The following SBSPON variants were observed in gnomAD, a reference collection of about 807,000 sequenced individuals.
SBSPON encodes the protein somatomedin B and thrombospondin type 1 domain containing.
SBSPON carries 30 observed loss-of-function variants against 35.8 expected under a neutral mutation model. The observed-to-expected ratio is 0.84, with a 90% CI of 0.63 to 1.14. The LOEUF (loss-of-function observed/expected upper bound fraction) is 1.14. Among genes scored for constraint, SBSPON ranks in the 50% most tolerant of loss-of-function variants. SBSPON has a pLI of 0.00. For missense variants in SBSPON, 364 were observed against 357.7 expected (o/e 1.02, Z -0.14); for synonymous variants, 136 against 135.9 (o/e 1.00, Z 0.00).
intron 2 of SBSPON, among the ~76,000 whole-genome samples, chr8:73,080,240 C>T (rs966514377): frequency 3.3e-5 from 5 of 152,098 alleles, no homozygotes; most frequent in East Asian, 1.9e-4. Flanking sequence ...AAAGGCCGGG[C>T]GCAGTGGCTC....
chr8:73,088,745 G>A (rs1022282430), intron 1 of SBSPON, among the ~76,000 whole-genome samples: 1 of 152,154 alleles, frequency 6.6e-6, no homozygotes, highest in African/African-American at 2.4e-5. Flanking sequence ...TGAGTATAGA[G>A]TAACTGGGGG....
In SBSPON at chr8:73,093,083, G is replaced by A. The variant is rs985105588; in HGVS notation, c.-16C>T. ...GGGTCCTCATGGCCAGGGCTCCGGCGGCGCCTGCGACGCGACAGACCCCCG... is the reference window on the plus strand; with the variant it reads ...GGGTCCTCATGGCCAGGGCTCCGGCAGCGCCTGCGACGCGACAGACCCCCG... On this transcript the variant is annotated 5_prime_UTR_variant, in exon 1 of 5. Coordinates refer to ENST00000297354, the MANE Select transcript of SBSPON (RefSeq NM_153225.4). 24 of 1,307,430 alleles carry A rather than the reference G, an allele frequency of 1.8e-5. No homozygotes were observed. Among genetic ancestry groups the A allele is most frequent in the South Asian group, 4.6e-5 (2 of 43,260 alleles). The allele number at this position is 1,307,430 out of a possible 1,614,324, so 81.0% of individuals were successfully genotyped here. A position where few individuals can be genotyped will look rare whatever the true frequency, so the allele number is the denominator to read the frequency against.
At chr8:73,088,969 G>C (rs915788009) in intron 1 of SBSPON, among the ~76,000 whole-genome samples, 1 of 152,176 alleles carries the variant, frequency 6.6e-6, no homozygotes, top group Non-Finnish European at 1.5e-5. Flanking sequence ...AAATGCTTGA[G>C]GCAGTTGAGT....
chr8:73,068,472 C>T (rs1657212874), intron 4 of SBSPON, among the ~76,000 whole-genome samples: 2 of 152,176 alleles, frequency 1.3e-5, no homozygotes, highest in South Asian at 2.1e-4. Flanking sequence ...ATACTGAAAA[C>T]CATAATCTAT....
intron 1 of SBSPON, among the ~76,000 whole-genome samples, chr8:73,086,559 C>T (rs1371635094): frequency 6.6e-6 from 1 of 152,174 alleles, no homozygotes; most frequent in African/African-American, 2.4e-5. Context: ...CCCCAAGTGC[C>T]TATTACTCCC....
chr8:73,082,182 G>T (rs1027055935), intron 1 of SBSPON, among the ~76,000 whole-genome samples: 3 of 152,146 alleles, frequency 2.0e-5, no homozygotes, highest in Non-Finnish European at 4.4e-5. Flanking sequence ...ATGGCGTCAC[G>T]TTTAACTTTC....
rs547418317 is a variant in SBSPON, at chr8:73,069,870, A to G, written c.612T>C (p.Asp204=). The change falls in exon 4 of 5, where the codon GAT becomes GAC. Residue 204 remains aspartate, a synonymous_variant. Coordinates refer to ENST00000297354, the MANE Select transcript of SBSPON (RefSeq NM_153225.4). The part of the protein sequence containing the change: ...YLREGYTVCV[D]CQPPAMNSVS... ...CAGAGTTCATAGCTGGAGGCTGACA[A>G]TCCACACACACCGTGTATCCCTCTC... 3.1e-6 allele frequency: 5 copies of G among 1,614,078 alleles called. No individual in the cohort carries two copies. The African/African-American group carries it at 6.7e-5, about 22-fold the overall frequency.
intron 1 of SBSPON, among the ~76,000 whole-genome samples, chr8:73,087,367 G>GT (rs1217919109): frequency 2.0e-5 from 3 of 152,180 alleles, no homozygotes; most frequent in African/African-American, 7.2e-5. Context: ...AGGGATCCAA[G>GT]TAAGTTAATA....
At position 73,078,730 on chromosome 8, in the gene SBSPON, A is replaced by G. The variant is rs886908586; in HGVS notation, c.409+2289T>C. Among the ~76,000 whole-genome samples the G allele has an allele frequency of 1.1e-4, 16 of 152,056 alleles. 1 individual carries two copies. The highest frequency in any genetic ancestry group is 9.2e-4 in the Admixed American group (14 of 15,260). On this transcript the variant is annotated intron_variant, in intron 2 of 4. Transcript: ENST00000297354. ...TGTCTCTGCAAAGTGACTGAGCGTA[A>G]TTTTGTTCTATGGCTGTGTCTGTGA...
intron 2 of SBSPON, among the ~76,000 whole-genome samples, chr8:73,077,994 G>A (rs1362262487): frequency 1.3e-5 from 2 of 152,170 alleles, no homozygotes; most frequent in South Asian, 2.1e-4. Context: ...TCTAATAAAA[G>A]AGGATACTCT....
At chr8:73,079,452 G>T (rs1810653741) in intron 2 of SBSPON, among the ~76,000 whole-genome samples, 1 of 152,096 alleles carries the variant, frequency 6.6e-6, no homozygotes, top group East Asian at 1.9e-4. Context: ...GCCTCTCATG[G>T]ATATAGCTTT....
intron 1 of SBSPON, chr8:73,085,614 G>A (rs1810808009): frequency 6.6e-6 from 1 of 151,238 alleles, no homozygotes; most frequent in South Asian, 2.1e-4. Context: ...CTTTCTCCAG[G>A]TCTGTTCGCA....
At chr8:73,081,283 A>G (rs1810698734) in intron 1 of SBSPON, 70 bp from the exon 2 acceptor site, 2 of 1,342,536 alleles carry the variant, frequency 1.5e-6, no homozygotes, top group Non-Finnish European at 2.0e-6. Flanking sequence ...TCCCGCCAAC[A>G]CAAACAGCTG....
At chr8:73,067,589 CTA>C (rs1233223282) in intron 4 of SBSPON, 131 bp from the exon 5 acceptor site, 312 of 103,782 alleles carry the variant, frequency 3.0e-3, no homozygotes, top group Middle Eastern at 6.4e-3. Flanking sequence ...CCCGTCTCTA[CTA>C]TATATATATA....
intron 2 of SBSPON, among the ~76,000 whole-genome samples, chr8:73,080,464 G>A (rs999328749): frequency 6.6e-6 from 1 of 152,140 alleles, no homozygotes; most frequent in African/African-American, 2.4e-5. Context: ...GCAGTGAGCC[G>A]AGATCATGCC....
At chr8:73,088,607 A>G (rs1810877079) in intron 1 of SBSPON, among the ~76,000 whole-genome samples, 1 of 152,124 alleles carries the variant, frequency 6.6e-6, no homozygotes, top group South Asian at 2.1e-4. Context: ...CCTGTGAAGC[A>G]GAAGTGTGGA....
At chr8:73,082,326 T>C (rs2130024350) in intron 1 of SBSPON, among the ~76,000 whole-genome samples, 1 of 152,328 alleles carries the variant, frequency 6.6e-6, no homozygotes, top group East Asian at 1.9e-4. Context: ...AACATTTTTT[T>C]CCCCTTGAAG....
chr8:73,092,727 A>T (rs1415772600), intron 1 of SBSPON, 127 bp downstream of exon 1: 1 of 669,534 alleles, frequency 1.5e-6, no homozygotes, highest in Non-Finnish European at 2.6e-6. Context: ...GGTGGTGGGG[A>T]TGGGTGGGGA....
chr8:73,082,686 A>T (rs1041203892), intron 1 of SBSPON, among the ~76,000 whole-genome samples: 1 of 152,194 alleles, frequency 6.6e-6, no homozygotes, highest in African/African-American at 2.4e-5. Context: ...CTAACAGGTC[A>T]CTTCCTGCTT....
Sources: gnomAD v4.1 joint callset for allele counts (sites outside exome capture counted in the v4.1 genomes callset) on GRCh38, gnomAD v4.1.1 for gene constraint, MANE v1.5 for transcripts, NCBI Gene and HGNC (gene_info 2026-07-23, HGNC 2026-07-21) for gene names.